Variants in FBRSL1 observed in about 807,000 individuals in gnomAD.
The protein encoded by FBRSL1 is fibrosin-1-like protein.
FBRSL1 carries 51 observed loss-of-function variants against 89.6 expected under a neutral mutation model. The observed-to-expected ratio is 0.57, with a 90% CI of 0.45 to 0.72. FBRSL1 has a LOEUF of 0.72. FBRSL1 is among the 30% of genes least tolerant of loss of function. FBRSL1 has a pLI of 0.00. For synonymous variants in FBRSL1, 779 were observed against 681.1 expected, an observed-to-expected ratio of 1.14 and a Z score of -2.24; for missense variants, 1,618 against 1,451.8, an observed-to-expected ratio of 1.11 and a Z score of -1.86.
chr12:132,567,599 A>C lies in FBRSL1; in HGVS notation c.691+73A>C. 12 of 1,455,478 alleles carry C rather than the reference A, an allele frequency of 8.2e-6. No individual in the cohort carries two copies. In the South Asian group the frequency reaches 1.5e-4, roughly 18 times the overall value. 90.2% of individuals were successfully genotyped at this position (1,455,478 alleles called of 1,614,324 possible). Reference sequence around the variant, plus strand: ...ATGCGCCCTGCGTCTTGGCGGCAGGACATCCCCCTGAAGTCAGGGGAGAGA... The same window carrying C: ...ATGCGCCCTGCGTCTTGGCGGCAGGCCATCCCCCTGAAGTCAGGGGAGAGA... On this transcript the variant is annotated intron_variant, in intron 6 of 18. Coordinates refer to ENST00000680143, the MANE Select transcript of FBRSL1 (RefSeq NM_001367871.1).
chr12:132,517,525 C>G (rs74397112), intron 2 of FBRSL1, among the ~76,000 whole-genome samples: 5 of 152,164 alleles, frequency 3.3e-5, no homozygotes, highest in Admixed American at 3.3e-4. Context: ...GTGCTGCCCT[C>G]GAGAAGTTAA....
chr12:132,505,979 G>A (rs113513123), intron 1 of FBRSL1, among the ~76,000 whole-genome samples: 48 of 152,374 alleles, frequency 3.2e-4, no homozygotes, highest in African/African-American at 1.1e-3. Flanking sequence ...GTGCTGGCTG[G>A]GGGTGTGTGG....
intron 5 of FBRSL1, chr12:132,551,259 G>A (rs1476623481): frequency 2.6e-6 from 1 of 384,902 alleles, no homozygotes; most frequent in Non-Finnish European, 5.3e-6. Flanking sequence ...GAAGGTCCCC[G>A]AGTGCCCACA....
intron 14 of FBRSL1, among the ~76,000 whole-genome samples, chr12:132,574,930 G>A (rs943459588): frequency 2.6e-5 from 4 of 151,998 alleles, no homozygotes; most frequent in East Asian, 1.9e-4. Context: ...TGTGTTCTTC[G>A]GTCTTCAGCA....
At chr12:132,514,075 A>G (rs1322996722) in intron 2 of FBRSL1, among the ~76,000 whole-genome samples, 1 of 152,174 alleles carries the variant, frequency 6.6e-6, no homozygotes, top group Non-Finnish European at 1.5e-5. Flanking sequence ...CCGTTTGCTC[A>G]TTCGGGATCC....
At chr12:132,506,572 T>C (rs1242346604) in intron 1 of FBRSL1, among the ~76,000 whole-genome samples, 1 of 152,276 alleles carries the variant, frequency 6.6e-6, no homozygotes, top group Non-Finnish European at 1.5e-5. Context: ...CACCTTGATT[T>C]GTTCCTGCTT....
Position 132,571,119 on chromosome 12 carries a change from A to T in FBRSL1, c.1265A>T (p.His422Leu). 1 of 1,368,976 alleles carries T rather than the reference A, an allele frequency of 7.3e-7. No individual in the cohort carries two copies. The highest frequency in any genetic ancestry group is 9.4e-7 in the Non-Finnish European group (1 of 1,062,522). The allele number at this position is 1,368,976 out of a possible 1,614,324, so 84.8% of individuals were successfully genotyped here. The change falls in exon 9 of 19, where the codon CAT (histidine) becomes CTT (leucine). Residue 422 changes from histidine to leucine, a missense_variant. His to Leu is a moderately conservative substitution (Grantham distance 99, BLOSUM62 -3). Coordinates refer to ENST00000680143, the MANE Select transcript of FBRSL1 (RefSeq NM_001367871.1). ...FSQPIMYCQPHSGILIGTWSQ... is the reference protein window; with the variant it reads ...FSQPIMYCQPLSGILIGTWSQ... ...CAGCCAATCATGTATTGCCAGCCTC[A>T]TTCGGGAATTCTGATTGGTACTTGG...
At chr12:132,543,767 A>G (rs2037456302) in intron 4 of FBRSL1, among the ~76,000 whole-genome samples, 1 of 152,200 alleles carries the variant, frequency 6.6e-6, no homozygotes, top group Non-Finnish European at 1.5e-5. Context: ...AGTGACACGC[A>G]GTGGCCCCTG....
intron 4 of FBRSL1, among the ~76,000 whole-genome samples, chr12:132,532,826 G>T (rs1181845882): frequency 6.6e-6 from 1 of 152,216 alleles, no homozygotes; most frequent in African/African-American, 2.4e-5. Context: ...CGTGTGCTTG[G>T]GGGCATGCCT....
chr12:132,546,492 G>A lies in FBRSL1; in HGVS notation c.616-1511G>A, dbSNP rs949178222. 4.6e-5 allele frequency among the ~76,000 whole-genome samples: 7 copies of A among 152,040 alleles called. No homozygotes were observed. Among genetic ancestry groups the A allele is most frequent in the Non-Finnish European group, 1.0e-4 (7 of 67,968 alleles). On this transcript the variant is annotated intron_variant, in intron 4 of 18. Transcript: ENST00000680143. This position sits in a 1 kb window ranked among gnomAD's most constrained non-coding sequence, Gnocchi z 4.0. ...GAACCCTAGGAGAGGGCTTGGCCAC[G>A]GCTGAAAGGCCAGACCGGGGGGACC...
rs1361129088 is a variant in FBRSL1 at position 132,572,520 on chromosome 12, C to T, written c.1435-7C>T. On this transcript the variant is annotated splice_region_variant and splice_polypyrimidine_tract_variant and intron_variant, in intron 10 of 18. Transcript: ENST00000680143. The stretch of plus-strand genomic sequence containing the variant: ...CCCCCCCTCCATCCGCTCTCCTTCT[C>T]TTACAGTTCTTCCCGTCCTTCCCTC... 18 of 1,549,524 alleles carry T rather than the reference C, an allele frequency of 1.2e-5. No homozygotes were observed. The Admixed American group carries it at 3.5e-4, about 30-fold the overall frequency.
rs1566178477 is a variant in FBRSL1 at position 132,546,650 on chromosome 12, G to C, written c.616-1353G>C. Among the ~76,000 whole-genome samples the C allele has an allele frequency of 6.6e-6, 1 of 152,156 alleles. No homozygotes were observed. The highest frequency in any genetic ancestry group is 1.5e-5 in the Non-Finnish European group (1 of 67,998). On this transcript the variant is annotated intron_variant, in intron 4 of 18. Transcript: ENST00000680143. This position sits in a 1 kb window ranked among gnomAD's most constrained non-coding sequence, Gnocchi z 4.0. ...GGCCACGGCTGAAAGGCCAGACCAG[G>C]GGGGACCAGCACACAGCCGGGACAG...
chr12:132,520,059 C>T (rs945636563), intron 2 of FBRSL1, among the ~76,000 whole-genome samples: 2 of 151,628 alleles, frequency 1.3e-5, no homozygotes, highest in East Asian at 1.9e-4. Flanking sequence ...CAGCCTTCCT[C>T]GCACTCCTCC....
At chr12:132,505,589 C>G (rs1451879998) in intron 1 of FBRSL1, among the ~76,000 whole-genome samples, 1 of 152,218 alleles carries the variant, frequency 6.6e-6, no homozygotes, top group Non-Finnish European at 1.5e-5. Flanking sequence ...GCTGCACCAC[C>G]AACCCCTCAG....
intron 14 of FBRSL1, among the ~76,000 whole-genome samples, chr12:132,575,967 T>A (rs569812518): frequency 2.6e-5 from 4 of 152,206 alleles, no homozygotes; most frequent in African/African-American, 9.7e-5. Context: ...TCTGCTCCCA[T>A]GGGAGGGCAT....
At chr12:132,558,035 C>A (rs1334976088) in intron 5 of FBRSL1, among the ~76,000 whole-genome samples, 1 of 146,518 alleles carries the variant, frequency 6.8e-6, no homozygotes, top group East Asian at 2.1e-4. Flanking sequence ...TCCCCTCCCC[C>A]CGCCCGTTCC....
rs1566225778 is a variant in FBRSL1 at position 132,570,257 on chromosome 12, G to A, written c.1007+16G>A. The A allele has an allele frequency of 2.0e-6, 3 of 1,492,802 alleles. No homozygotes were observed. Among genetic ancestry groups the A allele is most frequent in the Non-Finnish European group, 2.7e-6 (3 of 1,129,656 alleles). The allele number at this position is 1,492,802 out of a possible 1,614,324, so 92.5% of individuals were successfully genotyped here. ...ACGGCCTCAGGTGGGGTCCCCGCGG[G>A]GGACGGGGCCTGTGTGGTCTCAGGA... On this transcript the variant is annotated intron_variant, in intron 7 of 18. Coordinates refer to ENST00000680143, the MANE Select transcript of FBRSL1 (RefSeq NM_001367871.1).
intron 2 of FBRSL1, chr12:132,509,908 G>A (rs2034136094): frequency 3.2e-6 from 4 of 1,231,160 alleles, no homozygotes; most frequent in Admixed American, 4.2e-5. Context: ...TGCTGCCCCC[G>A]GCGGGCCTTC....
At chr12:132,563,542 T>G (rs1313682755) in intron 5 of FBRSL1, among the ~76,000 whole-genome samples, 2 of 152,072 alleles carry the variant, frequency 1.3e-5, no homozygotes, top group Non-Finnish European at 2.9e-5. Context: ...TTGGATCTCC[T>G]TCCGTCTGTC....
Sources: gnomAD v4.1 joint callset for allele counts (sites outside exome capture counted in the v4.1 genomes callset) on GRCh38, gnomAD v4.1.1 for gene constraint, Gnocchi (gnomAD v3.1) non-coding constraint, MANE v1.5 for transcripts, NCBI Gene and HGNC (gene_info 2026-07-23, HGNC 2026-07-21) for gene names.